The following SHISAL2A variants were observed in gnomAD, a reference collection of about 807,000 sequenced individuals.
The protein encoded by SHISAL2A is shisa like 2A, also known as protein shisa-like-2A.
A neutral mutation model predicts 11.5 loss-of-function variants in SHISAL2A; 18 were observed. That is an observed-to-expected ratio of 1.57 (90% CI 1.08 to 2.33). SHISAL2A has a LOEUF of 2.33. Ranked by LOEUF, SHISAL2A falls within the 30% of genes most tolerant of loss-of-function variation. The probability of loss-of-function intolerance (pLI) is 0.00; values close to 1 mark genes in which losing one functional copy is unlikely to be tolerated. For missense variants in SHISAL2A, 261 were observed against 250.9 expected (o/e 1.04, Z -0.27); for synonymous variants, 94 against 99.6 (o/e 0.94, Z 0.34).
At chr1:52,654,266 T>TAGATAGATAGATAGAC (rs1553252794) in intron 2 of SHISAL2A, among the ~76,000 whole-genome samples, 2 of 101,196 alleles carry the variant, frequency 2.0e-5, no homozygotes, top group African/African-American at 6.3e-5. Flanking sequence ...GATAGACAGA[T>TAGATAGATAGATAGAC]AGATAGATAG....
At chr1:52,662,043 A>G (rs190886881), downstream of SHISAL2A, among the ~76,000 whole-genome samples, 228 of 152,054 alleles carry the variant, frequency 1.5e-3, 1 homozygote, top group African/African-American at 5.1e-3. Context: ...AAAAAAAAAA[A>G]AATAATAATA....
At chr1:52,636,982 G>A (rs1272302232) in intron 1 of SHISAL2A, among the ~76,000 whole-genome samples, 1 of 152,160 alleles carries the variant, frequency 6.6e-6, no homozygotes, top group African/African-American at 2.4e-5. Flanking sequence ...ACCCAGCCAG[G>A]ACCCTTTCCC....
At chr1:52,662,966 C>T (rs1395496728) in intron 4 of SHISAL2A, among the ~76,000 whole-genome samples, 1 of 152,198 alleles carries the variant, frequency 6.6e-6, no homozygotes, top group Non-Finnish European at 1.5e-5. Flanking sequence ...GTGCAGCCAG[C>T]CTTATCTCCA....
At chr1:52,650,181 A>G (rs1010066336) in intron 2 of SHISAL2A, among the ~76,000 whole-genome samples, 3 of 152,202 alleles carry the variant, frequency 2.0e-5, no homozygotes, top group African/African-American at 4.8e-5. Context: ...CGAGGAACCA[A>G]ACATGCTTCA....
Position 52,663,748 on chromosome 1 carries a change from C to T in SHISAL2A, n.696-3651C>T, listed in dbSNP as rs562939315. ...TGCATTCCAGCCTGGGCAACAAGAG[C>T]GAAACTGCGTCTAAAAAAAAAGAAA... On this transcript the variant is annotated intron_variant and non_coding_transcript_variant, in intron 4 of 5. Coordinates refer to the SHISAL2A transcript ENST00000401050. Among the ~76,000 whole-genome samples the T allele has an allele frequency of 4.0e-5, 6 of 151,838 alleles. No homozygotes were observed. In the East Asian group the frequency reaches 1.2e-3, roughly 29 times the overall value.
intron 1 of SHISAL2A, among the ~76,000 whole-genome samples, chr1:52,634,334 C>T (rs1476566867): frequency 6.6e-6 from 1 of 152,208 alleles, no homozygotes; most frequent in Non-Finnish European, 1.5e-5. Context: ...TGTATTTAGT[C>T]ATTCTTTCGG....
intron 4 of SHISAL2A, among the ~76,000 whole-genome samples, chr1:52,663,060 C>T (rs2149895457): frequency 6.6e-6 from 1 of 152,306 alleles, no homozygotes; most frequent in East Asian, 1.9e-4. Context: ...TCAAGCCCCG[C>T]CTTCTCTCCT....
Position 52,652,844 on chromosome 1 carries a change from T to TA in SHISAL2A, c.323-3944dup, listed in dbSNP as rs537816670. 8.9e-4 allele frequency among the ~76,000 whole-genome samples: 135 copies of TA among 151,230 alleles called. 1 individual carries two copies. Among genetic ancestry groups the TA allele is most frequent in the African/African-American group, 3.2e-3 (132 of 41,162 alleles). Reference sequence around the variant, plus strand: ...AGCCGGGCTTGGTGGCGGGCACCTGTAATCCCAGCTACTCGGGAGGCTGAG... The same window carrying TA: ...AGCCGGGCTTGGTGGCGGGCACCTGTAAATCCCAGCTACTCGGGAGGCTGAG... On this transcript the variant is annotated intron_variant, in intron 2 of 2. Coordinates refer to ENST00000517870, the MANE Select transcript of SHISAL2A (RefSeq NM_001042693.3).
chr1:52,648,161 TGTTA>T (rs925561369), intron 2 of SHISAL2A, among the ~76,000 whole-genome samples: 48 of 149,514 alleles, frequency 3.2e-4, no homozygotes, highest in African/African-American at 1.0e-3. Flanking sequence ...ATTATATAAT[TGTTA>T]GTTTTATATA....
chr1:52,659,551 G>T (rs992922778), downstream of SHISAL2A: 1 of 152,692 alleles, frequency 6.5e-6, no homozygotes, highest in African/African-American at 2.4e-5. Flanking sequence ...TGTCTGAGCT[G>T]AATCATCAAA....
chr1:52,659,622 G>A (rs1691866275), downstream of SHISAL2A: 1 of 152,584 alleles, frequency 6.6e-6, no homozygotes, highest in Non-Finnish European at 1.5e-5. Context: ...AATACAGCTT[G>A]TTCACAATAG....
rs530391232 is a variant in SHISAL2A at position 52,654,773 on chromosome 1, A to T, written c.323-2017A>T. On this transcript the variant is annotated intron_variant, in intron 2 of 2. Coordinates refer to ENST00000517870, the MANE Select transcript of SHISAL2A (RefSeq NM_001042693.3). ...AGACATCAAAAGCACAATACATTTT[A>T]AAAAAGATAAGCCAGTATTCATCAA... 3.9e-5 allele frequency among the ~76,000 whole-genome samples: 6 copies of T among 152,362 alleles called. No individual in the cohort carries two copies. The South Asian group carries it at 6.2e-4, about 16-fold the overall frequency.
intron 1 of SHISAL2A, among the ~76,000 whole-genome samples, chr1:52,636,421 G>A (rs891176241): frequency 1.3e-5 from 2 of 148,602 alleles, no homozygotes; most frequent in Admixed American, 1.4e-4. Context: ...GATTGGAAAA[G>A]TTATTTAACT....
At chr1:52,644,985 C>A (rs2149879819) in intron 2 of SHISAL2A, among the ~76,000 whole-genome samples, 1 of 150,354 alleles carries the variant, frequency 6.7e-6, no homozygotes, top group South Asian at 2.1e-4. Flanking sequence ...CCACTGCACT[C>A]CAGCCTGGGC....
At chr1:52,654,656 G>T (rs551014645) in intron 2 of SHISAL2A, among the ~76,000 whole-genome samples, 1 of 152,210 alleles carries the variant, frequency 6.6e-6, no homozygotes, top group East Asian at 1.9e-4. Flanking sequence ...TCTCAAAAAA[G>T]ATCTAAATGT....
chr1:52,643,604 C>G (rs1437919873), intron 2 of SHISAL2A, among the ~76,000 whole-genome samples: 1 of 152,178 alleles, frequency 6.6e-6, no homozygotes, highest in East Asian at 1.9e-4. Flanking sequence ...CCTGTAATCC[C>G]AGCACTTTGG....
chr1:52,661,154 G>A (rs1365280458), downstream of SHISAL2A, among the ~76,000 whole-genome samples: 1 of 152,186 alleles, frequency 6.6e-6, no homozygotes, highest in Non-Finnish European at 1.5e-5. Context: ...GCCAAGTCCT[G>A]AAGCCTTTGC....
At chr1:52,641,190 G>GT (rs1169909770) in intron 1 of SHISAL2A, among the ~76,000 whole-genome samples, 2 of 152,102 alleles carry the variant, frequency 1.3e-5, no homozygotes, top group African/African-American at 2.4e-5. Context: ...AAACATAAGT[G>GT]TTTTTTTGAG....
In SHISAL2A at chr1:52,640,900, A is replaced by T. The variant is rs551582354; in HGVS notation, c.183-1963A>T. The stretch of plus-strand genomic sequence containing the variant: ...ATGTGATTAGAGCACTGGAACTTAC[A>T]GCCCCACCTCACTCCAACCTCCAGG... On this transcript the variant is annotated intron_variant, in intron 1 of 2. Coordinates refer to ENST00000517870, the MANE Select transcript of SHISAL2A (RefSeq NM_001042693.3). Among the ~76,000 whole-genome samples, 36 of 152,288 alleles carry T rather than the reference A, an allele frequency of 2.4e-4. 1 individual carries two copies. In the South Asian group the frequency reaches 5.6e-3, roughly 24 times the overall value.
Sources: gnomAD v4.1 joint callset for allele counts (sites outside exome capture counted in the v4.1 genomes callset) on GRCh38, gnomAD v4.1.1 for gene constraint, MANE v1.5 for transcripts, NCBI Gene and HGNC (gene_info 2026-07-23, HGNC 2026-07-21) for gene names.